MYH10: variants seen among roughly 807,000 people sequenced by gnomAD.
The protein encoded by MYH10 is myosin heavy chain 10.
In MYH10, 55 loss-of-function variants were observed where a neutral mutation model predicts 257.8. The observed-to-expected ratio is 0.21, with a 90% confidence interval of 0.17 to 0.27. The LOEUF (loss-of-function observed/expected upper bound fraction) is 0.27. MYH10 is among the 10% of genes least tolerant of loss of function. The pLI, the probability that MYH10 is intolerant of heterozygous loss-of-function variation, is 1.00. For missense variants in MYH10, 1,631 were observed against 2,500.6 expected, an observed-to-expected ratio of 0.65 and a Z score of 7.42; for synonymous variants, 854 against 921.7, an observed-to-expected ratio of 0.93 and a Z score of 1.33.
At chr17:8,518,148 T>TGTGTGTGTGTG (rs1597719659) in intron 21 of MYH10, among the ~76,000 whole-genome samples, 4 of 119,942 alleles carry the variant, frequency 3.3e-5, no homozygotes, top group African/African-American at 9.2e-5. Context: ...TGTGTGTGTG[T>TGTGTGTGTGTG]TTGAGATAGG....
At chr17:8,629,355 C>A (rs1469840519) in intron 1 of MYH10, among the ~76,000 whole-genome samples, 1 of 149,442 alleles carries the variant, frequency 6.7e-6, no homozygotes, top group Non-Finnish European at 1.5e-5. Context: ...CCAGCCCACC[C>A]CACCCCCTTC....
intron 34 of MYH10, among the ~76,000 whole-genome samples, chr17:8,491,986 T>C (rs1485478413): frequency 6.6e-6 from 1 of 152,126 alleles, no homozygotes; most frequent in Non-Finnish European, 1.5e-5. Context: ...GGCAGAACCA[T>C]GAAACCTTTT....
Position 8,484,176 on chromosome 17 carries a change from A to G in MYH10, c.5137T>C (p.Leu1713=), listed in dbSNP as rs2151789933. Residue 1713 remains leucine, a synonymous_variant, in exon 37 of 43, where the codon TTG becomes CTG. Coordinates refer to ENST00000360416, the MANE Select transcript of MYH10 (RefSeq NM_001256012.3). Reference sequence around the variant, plus strand: ...AGGATTTCTGCTTCCAGACTCTTCAATTTCTTTTCACTCTCTTTGGATTGA... The same window carrying G: ...AGGATTTCTGCTTCCAGACTCTTCAGTTTCTTTTCACTCTCTTTGGATTGA... ...FAQSKESEKK[L]KSLEAEILQL... The G allele has an allele frequency of 3.7e-6, 6 of 1,609,166 alleles. No homozygotes were observed. The highest frequency in any genetic ancestry group is 4.2e-6 in the Non-Finnish European group (5 of 1,178,556).
At chr17:8,501,754 T>C (rs1373084811) in intron 28 of MYH10, among the ~76,000 whole-genome samples, 1 of 152,188 alleles carries the variant, frequency 6.6e-6, no homozygotes, top group Admixed American at 6.5e-5. Context: ...GGCCAGAGAA[T>C]TGGAATGTTC....
Position 8,535,698 on chromosome 17 carries a change from A to C in MYH10, c.1779+60T>G, listed in dbSNP as rs1468318463. 1.4e-5 allele frequency: 22 copies of C among 1,529,734 alleles called. No homozygotes were observed. The highest frequency in any genetic ancestry group is 2.0e-5 in the Non-Finnish European group (22 of 1,117,638). 94.8% of individuals were successfully genotyped at this position (1,529,734 alleles called of 1,614,324 possible). On this transcript the variant is annotated intron_variant, in intron 15 of 42. Transcript: ENST00000360416. The surrounding 1 kb of genome is among the most constrained non-coding windows in gnomAD (Gnocchi z 4.3). ...GCACCTTTGTTACACCTTCATAAAA[A>C]TGTAGCAAAATTTCAAACACAGCCA...
chr17:8,553,482 A>G (rs573876479), intron 8 of MYH10, among the ~76,000 whole-genome samples: 110 of 152,270 alleles, frequency 7.2e-4, no homozygotes, highest in African/African-American at 2.6e-3. Flanking sequence ...TCTTATGGCC[A>G]TTCTATGCAG....
At chr17:8,630,341 T>A (rs536206237) in intron 1 of MYH10, among the ~76,000 whole-genome samples, 66 of 135,092 alleles carry the variant, frequency 4.9e-4, no homozygotes, top group Non-Finnish European at 7.8e-4. Context: ...GTCGCCCTCC[T>A]GCACACCCAG....
intron 19 of MYH10, 120 bp from the exon 20 acceptor site, chr17:8,519,070 T>C (rs890946739): frequency 6.2e-6 from 4 of 649,984 alleles, no homozygotes; most frequent in African/African-American, 5.6e-5. Context: ...AAAGATATGA[T>C]GTAATACATG....
intron 34 of MYH10, among the ~76,000 whole-genome samples, chr17:8,491,565 A>T (rs1444795347): frequency 6.6e-6 from 1 of 152,220 alleles, no homozygotes. Flanking sequence ...AAGCAGATGC[A>T]GTAACTTCAT....
At chr17:8,609,925 C>CTG (rs909985482) in intron 2 of MYH10, among the ~76,000 whole-genome samples, 1 of 151,210 alleles carries the variant, frequency 6.6e-6, no homozygotes, top group Non-Finnish European at 1.5e-5. Context: ...CTTGAGAAAA[C>CTG]TGTGTGTGTG....
At chr17:8,584,578 C>T (rs1413620823) in intron 4 of MYH10, among the ~76,000 whole-genome samples, 1 of 152,100 alleles carries the variant, frequency 6.6e-6, no homozygotes, top group Non-Finnish European at 1.5e-5. Context: ...GTTATAGTGT[C>T]TAGTGTATGG....
chr17:8,601,894 G>C (rs182264798), intron 3 of MYH10, among the ~76,000 whole-genome samples: 8 of 151,858 alleles, frequency 5.3e-5, no homozygotes, highest in Non-Finnish European at 1.0e-4. Flanking sequence ...TACACTTAAA[G>C]ATGTGGGATG....
At chr17:8,476,613 A>G (rs2132099) in intron 42 of MYH10, among the ~76,000 whole-genome samples, 146,972 of 152,334 alleles carry the variant, frequency 0.96, 71,128 homozygotes, top group East Asian at 1. Flanking sequence ...ATATCTGGAC[A>G]GGGATGGATG....
chr17:8,526,066 C>G (rs1458326401), intron 17 of MYH10, among the ~76,000 whole-genome samples: 1 of 152,216 alleles, frequency 6.6e-6, no homozygotes, highest in Non-Finnish European at 1.5e-5. Context: ...GCTGGGATTA[C>G]AGGCGTGAGC....
intron 2 of MYH10, among the ~76,000 whole-genome samples, chr17:8,610,223 A>G (rs1054640470): frequency 7.9e-6 from 1 of 126,628 alleles, no homozygotes; most frequent in Admixed American, 9.5e-5. Flanking sequence ...TCTGGATCCA[A>G]TTTATGGATT....
At chr17:8,551,161 T>TAAAA (rs1380112695) in intron 9 of MYH10, among the ~76,000 whole-genome samples, 3 of 75,890 alleles carry the variant, frequency 4.0e-5, no homozygotes, top group African/African-American at 1.6e-4. Context: ...ATAATAAATT[T>TAAAA]AAAAAAAAAA....
At chr17:8,537,741 G>GT (rs1469475432) in intron 14 of MYH10, among the ~76,000 whole-genome samples, 1 of 152,156 alleles carries the variant, frequency 6.6e-6, no homozygotes, top group African/African-American at 2.4e-5. Context: ...ATAAAAATTT[G>GT]TATTTTTTTC....
intron 17 of MYH10, among the ~76,000 whole-genome samples, chr17:8,522,975 C>G (rs1206579825): frequency 1.3e-5 from 2 of 152,180 alleles, no homozygotes; most frequent in Non-Finnish European, 2.9e-5. Context: ...TACTTCAGTC[C>G]CATGTTTCTT....
At chr17:8,519,024 C>T (rs2081566623) in intron 19 of MYH10, 74 bp from the exon 20 acceptor site, 1 of 1,145,006 alleles carries the variant, frequency 8.7e-7, no homozygotes, top group South Asian at 1.4e-5. Flanking sequence ...GTGTGTTTTG[C>T]TCTAAGAGGC....
Sources: allele counts gnomAD v4.1 joint callset (sites outside exome capture counted in the v4.1 genomes callset), GRCh38; gene constraint gnomAD v4.1.1; non-coding constraint Gnocchi (gnomAD v3.1); transcripts MANE v1.5; gene names NCBI Gene and HGNC (gene_info 2026-07-23, HGNC 2026-07-21).